Variants in DOLK observed in about 807,000 individuals in gnomAD.
The protein encoded by DOLK is SEC59 homolog.
A neutral mutation model predicts 31.7 loss-of-function variants in DOLK; 20 were observed. That is an observed-to-expected ratio of 0.63 (90% CI 0.44 to 0.92). The LOEUF is 0.92. Among genes scored for constraint, DOLK ranks in the 40% least tolerant of loss-of-function variants. The probability of loss-of-function intolerance (pLI) is 0.00; values close to 1 mark genes in which losing one functional copy is unlikely to be tolerated. For missense variants in DOLK, 594 were observed against 680.7 expected (o/e 0.87, Z 1.42); for synonymous variants, 309 against 287.0 (o/e 1.08, Z -0.77).
Position 128,946,494 on chromosome 9 carries a change from C to G in DOLK, c.810G>C (p.Val270=). The G allele has an allele frequency of 6.2e-7, 1 of 1,614,064 alleles. No individual in the cohort carries two copies. Among genetic ancestry groups the G allele is most frequent in the Non-Finnish European group, 8.5e-7 (1 of 1,180,016 alleles). ...HLMTCVLSLG[V]VLPWLHRLIR... is the part of the protein sequence containing the mutation. Reference sequence around the variant, plus strand: ...TGAGCCGGTGCAGCCAGGGTAGGACCACACCAAGGCTCAGCACACAGGTCA... The same window carrying G: ...TGAGCCGGTGCAGCCAGGGTAGGACGACACCAAGGCTCAGCACACAGGTCA... Residue 270 remains valine (V), a synonymous_variant, in exon 1 of 1, where the codon GTG becomes GTC. Transcript: ENST00000372586.
rs199672668 is a variant in DOLK, at chr9:128,945,707, G to A, written c.1597C>T (p.Leu533=). Residue 533 remains leucine, a synonymous_variant, in exon 1 of 1, where the codon CTG becomes TTG. Transcript: ENST00000372586. ...IDNLLLPLYL[L]ILLMA ...AACAGCTAGGCCATCAGCAATATCA[G>A]GAGGTAGAGAGGCAGAAGGAGATTG... The A allele has an allele frequency of 6.2e-6, 10 of 1,614,022 alleles. No individual in the cohort carries two copies. In the African/African-American group the frequency reaches 1.1e-4, roughly 17 times the overall value.
At position 128,945,777 on chromosome 9, in the gene DOLK, G is replaced by A. The variant is rs746460508; in HGVS notation, c.1527C>T (p.Ser509=). 13 of 1,614,040 alleles carry A rather than the reference G, an allele frequency of 8.1e-6. No individual in the cohort carries two copies. Among genetic ancestry groups the A allele is most frequent in the Middle Eastern group, 1.6e-4 (1 of 6,084 alleles). Residue 509 remains serine, a synonymous_variant, in exon 1 of 1, where the codon TCC becomes TCT. Transcript: ENST00000372586. ...CTTCCAGGAGGGACACAGTGCTGAT[G>A]GACCCCAAAATCCAAGCATAACTGT... ...LNYSYAWILG[S]ISTVSLLEAY... is the part of the protein sequence containing the mutation.
In DOLK at chr9:128,947,386, G is replaced by A. The variant is rs1841694007; in HGVS notation, c.-83C>T. ...GGCCCCTCAGCCCCGTCAAGCAGAG[G>A]GAGGCACTTTCACCCGGCCAGCAAC... is the stretch of plus-strand genomic sequence containing the variant. On this transcript the variant is annotated 5_prime_UTR_variant, in exon 1 of 1. Coordinates refer to ENST00000372586, the MANE Select transcript of DOLK (RefSeq NM_014908.4). 1.3e-6 allele frequency: 2 copies of A among 1,554,376 alleles called. No individual in the cohort carries two copies. Among genetic ancestry groups the A allele is most frequent in the East Asian group, 2.3e-5 (1 of 43,684 alleles).
rs974402546 is a variant in DOLK, at chr9:128,946,666, A to G, written c.638T>C (p.Leu213Pro). ...GTCCCCCTGACTTTCCACCAGTGTC[A>G]GAGAGCGCTTGATGAGCTGGTTGAG... ...FVLNQLIKRS[L>P]TLVESQGDPV... The change falls in exon 1 of 1, where the codon CTG becomes CCG. Residue 213 changes from leucine to proline, a missense_variant. Leu to Pro is a moderately conservative substitution (Grantham distance 98). Coordinates refer to ENST00000372586, the MANE Select transcript of DOLK (RefSeq NM_014908.4). The G allele has an allele frequency of 1.9e-6, 3 of 1,614,168 alleles. No individual in the cohort carries two copies. Among genetic ancestry groups the G allele is most frequent in the East Asian group, 4.5e-5 (2 of 44,882 alleles).
At position 128,946,331 on chromosome 9, in the gene DOLK, A is replaced by G; in HGVS notation, c.973T>C (p.Ser325Pro). Reference protein sequence around the residue: ...VLYQNAKRSSSESKKHQAPTI... With the variant: ...VLYQNAKRSSPESKKHQAPTI... Reference sequence around the variant, plus strand: ...GGGGCCTGGTGCTTCTTGGACTCGGAAGATGACCGCTTGGCATTCTGGTAC... The same window carrying G: ...GGGGCCTGGTGCTTCTTGGACTCGGGAGATGACCGCTTGGCATTCTGGTAC... Residue 325 changes from serine (S) to proline (P), a missense_variant, in exon 1 of 1, where the codon TCC becomes CCC. Transcript: ENST00000372586. 6.2e-7 allele frequency: 1 copy of G among 1,614,068 alleles called. No homozygotes were observed. Among genetic ancestry groups the G allele is most frequent in the Non-Finnish European group, 8.5e-7 (1 of 1,179,988 alleles).
chr9:128,946,678 A>T lies in DOLK; in HGVS notation c.626T>A (p.Ile209Asn), dbSNP rs746723846. Residue 209 changes from isoleucine to asparagine, a missense_variant, in exon 1 of 1, where the codon ATC (isoleucine) becomes AAC (asparagine). Physicochemically the swap from Ile to Asn is moderately radical, Grantham distance 149. Coordinates refer to ENST00000372586, the MANE Select transcript of DOLK (RefSeq NM_014908.4). ...TTCCACCAGTGTCAGAGAGCGCTTG[A>T]TGAGCTGGTTGAGGACAAAGCTAAT... is the stretch of plus-strand genomic sequence containing the variant. ...GGISFVLNQL[I>N]KRSLTLVESQ... 1.2e-6 allele frequency: 2 copies of T among 1,614,144 alleles called. No homozygotes were observed. Among genetic ancestry groups the T allele is most frequent in the Non-Finnish European group, 1.7e-6 (2 of 1,180,024 alleles).
chr9:128,947,470 C>T lies in DOLK; in HGVS notation c.-167G>A. The stretch of plus-strand genomic sequence containing the variant: ...ACTCCACCGCAGGTCACTTCTGCGG[C>T]CTGGGAGCTGGCGCCCGGCCACCCC... On this transcript the variant is annotated 5_prime_UTR_variant, in exon 1 of 1. Transcript: ENST00000372586. The T allele has an allele frequency of 9.9e-7, 1 of 1,014,816 alleles. No individual in the cohort carries two copies. Among genetic ancestry groups the T allele is most frequent in the Non-Finnish European group, 1.5e-6 (1 of 686,158 alleles). 62.9% of individuals were successfully genotyped at this position (1,014,816 alleles called of 1,614,324 possible).
In DOLK at chr9:128,947,351, CT is replaced by C. The variant is rs1177135271; in HGVS notation, c.-49del. The stretch of plus-strand genomic sequence containing the variant: ...GGAGGCCGGGGCGACTACGGACGCC[CT>C]AGACTTCGGGCCCCTCAGCCCCGTC... On this transcript the variant is annotated 5_prime_UTR_variant, in exon 1 of 1. Transcript: ENST00000372586. 1 of 1,609,494 alleles carries C rather than the reference CT, an allele frequency of 6.2e-7. No homozygotes were observed. The highest frequency in any genetic ancestry group is 2.2e-5 in the East Asian group (1 of 44,788).
chr9:128,945,768 A>G lies in DOLK; in HGVS notation c.1536T>C (p.Thr512=), dbSNP rs758093273. 3.1e-6 allele frequency: 5 copies of G among 1,614,216 alleles called. No individual in the cohort carries two copies. Among genetic ancestry groups the G allele is most frequent in the Admixed American group, 1.7e-5 (1 of 60,024 alleles). The change falls in exon 1 of 1, where the codon ACT becomes ACC. Residue 512 remains threonine, a synonymous_variant. Transcript: ENST00000372586. Reference sequence around the variant, plus strand: ...TAGTGTATGCTTCCAGGAGGGACACAGTGCTGATGGACCCCAAAATCCAAG... The same window carrying G: ...TAGTGTATGCTTCCAGGAGGGACACGGTGCTGATGGACCCCAAAATCCAAG... ...SYAWILGSIS[T]VSLLEAYTTQ...
chr9:128,946,680 G>A lies in DOLK; in HGVS notation c.624C>T (p.Leu208=), dbSNP rs1260373275. The change falls in exon 1 of 1, where the codon CTC becomes CTT. Residue 208 remains leucine (L), a synonymous_variant. Transcript: ENST00000372586. ...CCACCAGTGTCAGAGAGCGCTTGAT[G>A]AGCTGGTTGAGGACAAAGCTAATGC... ...LGGISFVLNQ[L]IKRSLTLVES... The A allele has an allele frequency of 6.2e-7, 1 of 1,614,124 alleles. No individual in the cohort carries two copies. The highest frequency in any genetic ancestry group is 1.1e-5 in the South Asian group (1 of 91,068).
At position 128,946,864 on chromosome 9, in the gene DOLK, G is replaced by A. The variant is rs1157829485; in HGVS notation, c.440C>T (p.Ala147Val). The part of the protein sequence containing the change: ...PTNTCVILGL[A>V]GGVIIYIMKH... ...CATGATATAAATGATAACACCTCCAGCCAAGCCCAAGATGACACAAGTGTT... is the reference window on the plus strand; with the variant it reads ...CATGATATAAATGATAACACCTCCAACCAAGCCCAAGATGACACAAGTGTT... The change falls in exon 1 of 1, where the codon GCT (alanine) becomes GTT (valine). Residue 147 changes from alanine (A) to valine (V), a missense_variant. Physicochemically the swap from Ala to Val is moderately conservative, Grantham distance 64. Transcript: ENST00000372586. The A allele has an allele frequency of 3.1e-6, 5 of 1,609,712 alleles. No homozygotes were observed. The highest frequency in any genetic ancestry group is 4.2e-6 in the Non-Finnish European group (5 of 1,180,016).
Position 128,946,414 on chromosome 9 carries a change from C to G in DOLK, c.890G>C (p.Arg297Pro). ...AGACCAATAGGCTAGGAGGTAGATG[C>G]GGGTGTCTGTCTGGAAGAGAAACTG... ...LLQFLFQTDTRIYLLAYWSLL... is the reference protein window; with the variant it reads ...LLQFLFQTDTPIYLLAYWSLL... The change falls in exon 1 of 1, where the codon CGC (arginine) becomes CCC (proline). Residue 297 changes from arginine (R) to proline (P), a missense_variant. Arg to Pro is a moderately radical substitution (Grantham distance 103). Transcript: ENST00000372586. 6.2e-7 allele frequency: 1 copy of G among 1,613,928 alleles called. No individual in the cohort carries two copies. Among genetic ancestry groups the G allele is most frequent in the Non-Finnish European group, 8.5e-7 (1 of 1,179,966 alleles).
rs147416890 is a variant in DOLK, at chr9:128,946,533, G to C, written c.771C>G (p.Ile257Met). 2 of 1,614,046 alleles carry C rather than the reference G, an allele frequency of 1.2e-6. No homozygotes were observed. The highest frequency in any genetic ancestry group is 1.7e-6 in the Non-Finnish European group (2 of 1,180,030). The change falls in exon 1 of 1, where the codon ATC becomes ATG. Residue 257 changes from isoleucine (I) to methionine (M), a missense_variant. Transcript: ENST00000372586. ...GCACACAGGTCATGAGGTGGAAGAA[G>C]ATGGAGGAGGCCCAGGTGCCTGAGT... Reference protein sequence around the residue: ...FMDSGTWASSIFFHLMTCVLS... With the variant: ...FMDSGTWASSMFFHLMTCVLS...
chr9:128,946,838 T>G lies in DOLK; in HGVS notation c.466A>C (p.Lys156Gln). 6.2e-7 allele frequency: 1 copy of G among 1,612,282 alleles called. No individual in the cohort carries two copies. The highest frequency in any genetic ancestry group is 2.2e-5 in the East Asian group (1 of 44,860). The change falls in exon 1 of 1, where the codon AAG (lysine) becomes CAG (glutamine). Residue 156 changes from lysine to glutamine, a missense_variant. Transcript: ENST00000372586. ...LAGGVIIYIM[K>Q]HSLSVGEVIE... ...ACCTCCCCCACGCTCAACGAGTGCTTCATGATATAAATGATAACACCTCCA... is the reference window on the plus strand; with the variant it reads ...ACCTCCCCCACGCTCAACGAGTGCTGCATGATATAAATGATAACACCTCCA...
rs1460579114 is a variant in DOLK, at chr9:128,945,926, T to C, written c.1378A>G (p.Thr460Ala). The change falls in exon 1 of 1, where the codon ACC (threonine) becomes GCC (alanine). Residue 460 changes from threonine to alanine, a missense_variant. By Grantham distance (58) the Thr-to-Ala change is moderately conservative. Coordinates refer to ENST00000372586, the MANE Select transcript of DOLK (RefSeq NM_014908.4). ...CCAGGCCAGCGGATCTCCCCCATGG[T>C]GCTACCGAAGATGGAGGCCACAGTA... ...GDTVASIFGS[T>A]MGEIRWPGTK... is the part of the protein sequence containing the mutation. 2.5e-6 allele frequency: 4 copies of C among 1,614,180 alleles called. No individual in the cohort carries two copies. In the South Asian group the frequency reaches 3.3e-5, roughly 13 times the overall value.
chr9:128,947,565 C>G lies in DOLK; in HGVS notation c.-262G>C, dbSNP rs534641204. 743 of 1,028,514 alleles carry G rather than the reference C, an allele frequency of 7.2e-4. 4 individuals are homozygous for G. In the African/African-American group the frequency reaches 0.011, roughly 15 times the overall value. The allele number at this position is 1,028,514 out of a possible 1,614,324, so 63.7% of individuals were successfully genotyped here. On this transcript the variant is annotated 5_prime_UTR_variant, in exon 1 of 1. Coordinates refer to ENST00000372586, the MANE Select transcript of DOLK (RefSeq NM_014908.4). ...TTCCTCACAGTTACAGCCGCCCCCG[C>G]TGCCGGCTCCTCACCTCTTTGGGCC...
In DOLK at chr9:128,945,978, G is replaced by T; in HGVS notation, c.1326C>A (p.Ala442=). The change falls in exon 1 of 1, where the codon GCC becomes GCA. Residue 442 remains alanine, a synonymous_variant. Coordinates refer to ENST00000372586, the MANE Select transcript of DOLK (RefSeq NM_014908.4). The part of the protein sequence containing the change: ...LGGARALVPY[A]GVLAVGVGDT... ...CACCCACACCCACAGCCAGGACACC[G>T]GCATAGGGGACGAGGGCCCTGGCTC... The T allele has an allele frequency of 1.9e-6, 3 of 1,614,140 alleles. No homozygotes were observed. Among genetic ancestry groups the T allele is most frequent in the Non-Finnish European group, 2.5e-6 (3 of 1,180,034 alleles).
At position 128,946,303 on chromosome 9, in the gene DOLK, G is replaced by C; in HGVS notation, c.1001C>G (p.Thr334Ser). The change falls in exon 1 of 1, where the codon ACC (threonine) becomes AGC (serine). Residue 334 changes from threonine (T) to serine (S), a missense_variant. Transcript: ENST00000372586. ...GAGGTGGAAATACTTTCGGGCGATG[G>C]TGGGGGCCTGGTGCTTCTTGGACTC... ...SSESKKHQAP[T>S]IARKYFHLIV... 2.5e-6 allele frequency: 4 copies of C among 1,614,176 alleles called. No homozygotes were observed. The highest frequency in any genetic ancestry group is 3.4e-6 in the Non-Finnish European group (4 of 1,180,036).
In DOLK at chr9:128,945,716, G is replaced by A. The variant is rs1489724661; in HGVS notation, c.1588C>T (p.Leu530Phe). The change falls in exon 1 of 1, where the codon CTC becomes TTC. Residue 530 changes from leucine (L) to phenylalanine (F), a missense_variant. Transcript: ENST00000372586. ...TTQIDNLLLP[L>F]YLLILLMA ...GCCATCAGCAATATCAGGAGGTAGAGAGGCAGAAGGAGATTGTCTATCTGT... is the reference window on the plus strand; with the variant it reads ...GCCATCAGCAATATCAGGAGGTAGAAAGGCAGAAGGAGATTGTCTATCTGT... 5.6e-6 allele frequency: 9 copies of A among 1,614,050 alleles called. No homozygotes were observed. Among genetic ancestry groups the A allele is most frequent in the Non-Finnish European group, 6.8e-6 (8 of 1,180,044 alleles).
Sources: allele counts gnomAD v4.1 joint callset, GRCh38; gene constraint gnomAD v4.1.1; transcripts MANE v1.5; gene names NCBI Gene and HGNC (gene_info 2026-07-23, HGNC 2026-07-21).